The following AGL variants were observed in gnomAD, a reference collection of about 807,000 sequenced individuals.
AGL encodes the protein glycogen debranching enzyme.
AGL carries 128 observed loss-of-function variants against 199.3 expected under a neutral mutation model. That is an observed-to-expected ratio of 0.64 (90% CI 0.56 to 0.74). AGL has a LOEUF of 0.74. Ranked by LOEUF, AGL falls within the 30% of genes least tolerant of loss-of-function variation. The pLI, the probability that AGL is intolerant of heterozygous loss-of-function variation, is 0.00. For synonymous variants in AGL, 584 were observed against 594.7 expected (o/e 0.98, Z 0.26); for missense variants, 1,809 against 1,820.8 (o/e 0.99, Z 0.12).
intron 5 of AGL, among the ~76,000 whole-genome samples, chr1:99,868,147 A>G (rs1315194040): frequency 6.6e-6 from 1 of 152,100 alleles, no homozygotes; most frequent in Admixed American, 6.5e-5. Flanking sequence ...AGAAGTCCAT[A>G]TTTATTTTTT....
At chr1:99,901,952 T>C (rs1464576390) in intron 26 of AGL, among the ~76,000 whole-genome samples, 1 of 152,154 alleles carries the variant, frequency 6.6e-6, no homozygotes, top group Non-Finnish European at 1.5e-5. Context: ...GTAATTATTT[T>C]ACACATAACT....
chr1:99,888,162 G>T, intron 21 of AGL, 54 bp downstream of exon 21: 1 of 1,603,322 alleles, frequency 6.2e-7, no homozygotes, highest in Non-Finnish European at 8.5e-7. Flanking sequence ...GGGTCATCTG[G>T]TGTCTTCTTT....
chr1:99,916,579 TTTAAA>T lies in AGL; in HGVS notation c.4348-17_4348-13del. 6.2e-7 allele frequency: 1 copy of T among 1,611,956 alleles called. No homozygotes were observed. The highest frequency in any genetic ancestry group is 1.1e-5 in the South Asian group (1 of 90,692). On this transcript the variant is annotated splice_polypyrimidine_tract_variant and intron_variant, in intron 32 of 33. Coordinates refer to ENST00000361915, the MANE Select transcript of AGL (RefSeq NM_000642.3). ...TAGGTATTTATGGTTTTTTTTGTCT[TTTAAA>T]TAATCTTTTTTAGGAGTGGCTGTGG...
intron 2 of AGL, among the ~76,000 whole-genome samples, chr1:99,859,652 A>G (rs898826354): frequency 2.6e-5 from 4 of 152,044 alleles, no homozygotes; most frequent in East Asian, 1.9e-4. Context: ...GGTTGAAGCA[A>G]TTCTGCCCCA....
At chr1:99,879,253 G>A (rs908376293) in intron 12 of AGL, among the ~76,000 whole-genome samples, 37 of 152,066 alleles carry the variant, frequency 2.4e-4, no homozygotes, top group African/African-American at 8.5e-4. Context: ...TAATTATTTA[G>A]TCAACCACCT....
intron 4 of AGL, among the ~76,000 whole-genome samples, chr1:99,863,480 C>T (rs1311893612): frequency 4.6e-5 from 7 of 151,874 alleles, no homozygotes; most frequent in African/African-American, 9.7e-5. Context: ...CCATAAATAC[C>T]AAGAGCAAAA....
chr1:99,885,687 T>C (rs1163764158), intron 20 of AGL, among the ~76,000 whole-genome samples: 4 of 152,166 alleles, frequency 2.6e-5, no homozygotes, highest in African/African-American at 9.7e-5. Flanking sequence ...TTAGATTGCA[T>C]GCTGCCTATG....
chr1:99,881,380 G>A lies in AGL; in HGVS notation c.2090G>A (p.Gly697Asp), dbSNP rs1327792691. 5.0e-6 allele frequency: 8 copies of A among 1,614,140 alleles called. No individual in the cohort carries two copies. The highest frequency in any genetic ancestry group is 5.1e-6 in the Non-Finnish European group (6 of 1,180,004). ...SNTGEVNFQS[G>D]IIAARCAISK... ...ACAGGTGAAGTTAATTTCCAAAGCGGCATTATTGCAGCCAGGTGTGCTATC... is the reference window on the plus strand; with the variant it reads ...ACAGGTGAAGTTAATTTCCAAAGCGACATTATTGCAGCCAGGTGTGCTATC... Residue 697 changes from glycine (G) to aspartate (D), a missense_variant, in exon 16 of 34, where the codon GGC becomes GAC. Transcript: ENST00000361915.
At chr1:99,857,983 C>CA (rs907027630) in intron 2 of AGL, among the ~76,000 whole-genome samples, 1 of 152,040 alleles carries the variant, frequency 6.6e-6, no homozygotes, top group Non-Finnish European at 1.5e-5. Context: ...AAGTTACAAA[C>CA]AAAAAAGGCA....
At chr1:99,901,405 AGAG>A (rs1476287542) in intron 26 of AGL, among the ~76,000 whole-genome samples, 1 of 145,908 alleles carries the variant, frequency 6.9e-6, no homozygotes, top group Non-Finnish European at 1.5e-5. Context: ...AAAAAAAAAA[AGAG>A]GAAAGGAATA....
intron 2 of AGL, among the ~76,000 whole-genome samples, chr1:99,851,365 C>G (rs1182429638): frequency 1.3e-5 from 2 of 152,180 alleles, no homozygotes; most frequent in African/African-American, 4.8e-5. Context: ...TCTCTGCGTA[C>G]TAATTCCCAC....
At chr1:99,905,371 ATTTGTTGTTGTT>A (rs1361620065) in intron 27 of AGL, among the ~76,000 whole-genome samples, 1 of 141,006 alleles carries the variant, frequency 7.1e-6, no homozygotes, top group Non-Finnish European at 1.5e-5. Flanking sequence ...AATTTTTTGT[ATTTGTTGTTGTT>A]GTTGTTGTTG....
At chr1:99,895,660 T>TA (rs1653241962) in intron 24 of AGL, among the ~76,000 whole-genome samples, 1 of 152,210 alleles carries the variant, frequency 6.6e-6, no homozygotes, top group South Asian at 2.1e-4. Flanking sequence ...TCTCTGATTT[T>TA]ACTCTTTAGA....
chr1:99,862,545 G>A, intron 4 of AGL, 122 bp downstream of exon 4: 1 of 1,058,380 alleles, frequency 9.4e-7, no homozygotes, highest in South Asian at 1.3e-5. Flanking sequence ...AACTACCTGA[G>A]ACTGGGTAAT....
At chr1:99,920,198 T>C (rs1655419157) in intron 33 of AGL, among the ~76,000 whole-genome samples, 1 of 152,176 alleles carries the variant, frequency 6.6e-6, no homozygotes, top group East Asian at 1.9e-4. Flanking sequence ...ACTTAAATAA[T>C]AGAAATTGTT....
chr1:99,870,128 A>G (rs1463730928), intron 5 of AGL, among the ~76,000 whole-genome samples: 2 of 152,204 alleles, frequency 1.3e-5, no homozygotes, highest in Non-Finnish European at 2.9e-5. Flanking sequence ...TGAGCCATAC[A>G]AAAGTGTTAC....
At chr1:99,900,953 A>T (rs1207068986) in intron 26 of AGL, 92 bp downstream of exon 26, 6 of 1,148,942 alleles carry the variant, frequency 5.2e-6, no homozygotes, top group East Asian at 2.5e-5. Context: ...GGTAATTAAG[A>T]ATCCAAATCT....
chr1:99,917,448 G>A (rs1342346369), intron 33 of AGL, among the ~76,000 whole-genome samples: 1 of 152,068 alleles, frequency 6.6e-6, no homozygotes, highest in Non-Finnish European at 1.5e-5. Flanking sequence ...AGCTATTTAT[G>A]TCTTTGTATT....
chr1:99,852,410 G>GC (rs1649038144), intron 2 of AGL, among the ~76,000 whole-genome samples: 1 of 122,176 alleles, frequency 8.2e-6, no homozygotes, highest in Non-Finnish European at 1.6e-5. Context: ...TTACTCTGTT[G>GC]CCCAAGCTGA....
Sources: gnomAD v4.1 joint callset for allele counts (sites outside exome capture counted in the v4.1 genomes callset) on GRCh38, gnomAD v4.1.1 for gene constraint, MANE v1.5 for transcripts, NCBI Gene and HGNC (gene_info 2026-07-23, HGNC 2026-07-21) for gene names.